The following TBC1D10B variants were observed in gnomAD, a reference collection of about 807,000 sequenced individuals.
TBC1D10B encodes the protein Rab27A-GAPbeta.
TBC1D10B carries 25 observed loss-of-function variants against 78.4 expected under a neutral mutation model. The ratio of observed to expected loss-of-function variants is 0.32; its 90% confidence interval spans 0.23 to 0.45. The LOEUF (loss-of-function observed/expected upper bound fraction) is 0.45, where lower values mean the gene tolerates loss of function less well. Among genes scored for constraint, TBC1D10B ranks in the 20% least tolerant of loss-of-function variants. The probability of loss-of-function intolerance (pLI) is 1.00; values close to 1 mark genes in which losing one functional copy is unlikely to be tolerated. For synonymous variants in TBC1D10B, 517 were observed against 478.0 expected, an observed-to-expected ratio of 1.08 and a Z score of -1.06; for missense variants, 996 against 1,104.8, an observed-to-expected ratio of 0.90 and a Z score of 1.40.
intron 1 of TBC1D10B, chr16:30,366,630 C>T (rs1220548882): frequency 6.6e-6 from 1 of 152,160 alleles, no homozygotes; most frequent in Non-Finnish European, 1.5e-5. Flanking sequence ...ATTTACTCTA[C>T]CTCCTCCTCC....
chr16:30,359,846 G>C lies in TBC1D10B; in HGVS notation c.1272-5C>G, dbSNP rs2049588119. On this transcript the variant is annotated splice_region_variant and splice_polypyrimidine_tract_variant and intron_variant, in intron 4 of 8. Transcript: ENST00000409939. ...ATTCGGTACAGGTCCTGTTGCCTGT[G>C]GGGGTTGGGGAAGACTGTGAGGGCA... The C allele has an allele frequency of 1.3e-6, 2 of 1,555,738 alleles. No individual in the cohort carries two copies. The highest frequency in any genetic ancestry group is 1.4e-5 in the African/African-American group (1 of 73,312).
At chr16:30,366,693 C>T (rs2049639696) in intron 1 of TBC1D10B, 1 of 152,214 alleles carries the variant, frequency 6.6e-6, no homozygotes, top group African/African-American at 2.4e-5. Flanking sequence ...ACTCACTGTT[C>T]TGTCAGAGGT....
chr16:30,370,314 A>G lies in TBC1D10B; in HGVS notation c.-131T>C, dbSNP rs2151104298. On this transcript the variant is annotated 5_prime_UTR_variant, in exon 1 of 9. Transcript: ENST00000409939. ...GCGGCTCGGCGCGCGCCGGGGGCGG[A>G]GCGGCCGCTGGGCGCGCAGAGGCGG... is the stretch of plus-strand genomic sequence containing the variant. The G allele has an allele frequency of 2.9e-6, 1 of 342,536 alleles. No individual in the cohort carries two copies. Among genetic ancestry groups the G allele is most frequent in the Non-Finnish European group, 4.3e-6 (1 of 230,710 alleles). 21.2% of individuals were successfully genotyped at this position (342,536 alleles called of 1,614,324 possible). A position where few individuals can be genotyped will look rare whatever the true frequency, so the allele number is the denominator to read the frequency against.
At chr16:30,363,434 C>T (rs1461601304) in intron 4 of TBC1D10B, among the ~76,000 whole-genome samples, 1 of 152,144 alleles carries the variant, frequency 6.6e-6, no homozygotes, top group Non-Finnish European at 1.5e-5. Flanking sequence ...CATCCCCACT[C>T]ACATTCTCTA....
chr16:30,358,691 C>A lies in TBC1D10B; in HGVS notation c.1769G>T (p.Cys590Phe). Residue 590 changes from cysteine (C) to phenylalanine (F), a missense_variant, in exon 8 of 9, where the codon TGC (cysteine) becomes TTC (phenylalanine). By Grantham distance (205) the Cys-to-Phe change is radical. Coordinates refer to ENST00000409939, the MANE Select transcript of TBC1D10B (RefSeq NM_015527.4). ...ATGCACCAGGAAGTCTTCCTGCATG[C>A]ACTGCTGGGGCAGGTTACGCAGCTG... ...MEQLRNLPQQ[C>F]MQEDFLVHEV... The A allele has an allele frequency of 6.2e-7, 1 of 1,608,988 alleles. No homozygotes were observed. Among genetic ancestry groups the A allele is most frequent in the South Asian group, 1.1e-5 (1 of 90,734 alleles).
chr16:30,359,574 G>T lies in TBC1D10B; in HGVS notation c.1416C>A (p.Cys472Ter). ...TGTAGTAACCTGGGAGGTACTTGTC[G>T]CAGATCTGCACCAGGCACCAAAAGG... The part of the protein sequence containing the change: ...EQAFWCLVQI[C>*]DKYLPGYYSA... Residue 472 changes from cysteine (C) to a stop codon, truncating the protein, a stop_gained, in exon 6 of 9, where the codon TGC becomes TGA. Transcript: ENST00000409939. LOFTEE classifies it high-confidence loss of function. 1.3e-6 allele frequency: 2 copies of T among 1,563,074 alleles called. No individual in the cohort carries two copies. Among genetic ancestry groups the T allele is most frequent in the Non-Finnish European group, 1.7e-6 (2 of 1,153,816 alleles).
chr16:30,360,092 G>T (rs1255166296), intron 4 of TBC1D10B: 2 of 462,506 alleles, frequency 4.3e-6, no homozygotes, highest in Non-Finnish European at 7.8e-6. Context: ...TCCTTCCTCA[G>T]CCACATCCCA....
chr16:30,365,367 C>G lies in TBC1D10B; in HGVS notation c.1056+128G>C. On this transcript the variant is annotated intron_variant, in intron 2 of 8. Coordinates refer to ENST00000409939, the MANE Select transcript of TBC1D10B (RefSeq NM_015527.4). This position sits in a 1 kb window ranked among gnomAD's most constrained non-coding sequence, Gnocchi z 5.0. ...GGACTTCTATTTTTAAAGCCATTCC[C>G]CCGCCAGGGCCCATCTATCCCCAGT... 1 of 1,298,894 alleles carries G rather than the reference C, an allele frequency of 7.7e-7. No individual in the cohort carries two copies. Among genetic ancestry groups the G allele is most frequent in the Non-Finnish European group, 1.1e-6 (1 of 905,508 alleles). 80.5% of individuals were successfully genotyped at this position (1,298,894 alleles called of 1,614,324 possible).
rs2049564606 is a variant in TBC1D10B at position 30,357,852 on chromosome 16, CT to C, written c.*91del. 6.9e-7 allele frequency: 1 copy of C among 1,447,034 alleles called. No homozygotes were observed. The highest frequency in any genetic ancestry group is 9.1e-7 in the Non-Finnish European group (1 of 1,100,582). The allele number at this position is 1,447,034 out of a possible 1,614,324, so 89.6% of individuals were successfully genotyped here. Reference sequence around the variant, plus strand: ...GCCACTTTCCCCAGCAAGGGACAGCCTGACAAGGTGCTAGGGGGTGGCACCT... The same window carrying C: ...GCCACTTTCCCCAGCAAGGGACAGCCGACAAGGTGCTAGGGGGTGGCACCT... On this transcript the variant is annotated 3_prime_UTR_variant, in exon 9 of 9. Transcript: ENST00000409939.
At chr16:30,363,867 G>C (rs769189022) in intron 4 of TBC1D10B, among the ~76,000 whole-genome samples, 24 of 152,186 alleles carry the variant, frequency 1.6e-4, no homozygotes, top group South Asian at 4.1e-4. Flanking sequence ...TATAACGCTA[G>C]CACTTTGGGA....
chr16:30,370,038 G>A lies in TBC1D10B; in HGVS notation c.146C>T (p.Pro49Leu), dbSNP rs1242533327. ...CTCCCCGGGGGCCACCAGGGTGACG[G>A]GGGCCGAAGTGGCCGTAGTCACTGG... ...GPPVTTATSA[P>L]VTLVAPGEAR... The change falls in exon 1 of 9, where the codon CCC becomes CTC. Residue 49 changes from proline (P) to leucine (L), a missense_variant. Coordinates refer to ENST00000409939, the MANE Select transcript of TBC1D10B (RefSeq NM_015527.4). 4.1e-6 allele frequency: 5 copies of A among 1,230,374 alleles called. No homozygotes were observed. In the African/African-American group the frequency reaches 4.7e-5, roughly 11 times the overall value. 76.2% of individuals were successfully genotyped at this position (1,230,374 alleles called of 1,614,324 possible).
At chr16:30,358,986 G>T in intron 7 of TBC1D10B, 169 bp from the exon 8 acceptor site, 1 of 1,210,852 alleles carries the variant, frequency 8.3e-7, no homozygotes, top group Non-Finnish European at 1.1e-6. Context: ...ATCTTGGCAG[G>T]GAGAGCAGGC....
At position 30,369,432 on chromosome 16, in the gene TBC1D10B, C is replaced by A; in HGVS notation, c.752G>T (p.Ser251Ile). ...AGGCCCAGAGATGCCAGGTCCCAGG[C>A]TGGACGTGGAGCCCAGGTCTTGAGA... is the stretch of plus-strand genomic sequence containing the variant. ...ENSQDLGSTS[S>I]LGPGISGPRG... Residue 251 changes from serine (S) to isoleucine (I), a missense_variant, in exon 1 of 9, where the codon AGC (serine) becomes ATC (isoleucine). Transcript: ENST00000409939. This position sits in a 1 kb window ranked among gnomAD's most constrained non-coding sequence, Gnocchi z 4.3. 2 of 1,562,432 alleles carry A rather than the reference C, an allele frequency of 1.3e-6. No homozygotes were observed. Among genetic ancestry groups the A allele is most frequent in the Admixed American group, 1.9e-5 (1 of 52,150 alleles).
intron 1 of TBC1D10B, chr16:30,368,056 C>T (rs900591654): frequency 9.9e-5 from 15 of 152,204 alleles, no homozygotes; most frequent in African/African-American, 3.6e-4. Flanking sequence ...CTAATTGTTT[C>T]TTCATCTATA....
rs1263748534 is a variant in TBC1D10B, at chr16:30,357,478, C to G, written c.*466G>C. Reference sequence around the variant, plus strand: ...ACCCCCACCCCAGGCCAACGCCATCCTCTGTACACAATTACAACACAGGTC... The same window carrying G: ...ACCCCCACCCCAGGCCAACGCCATCGTCTGTACACAATTACAACACAGGTC... On this transcript the variant is annotated 3_prime_UTR_variant, in exon 9 of 9. Transcript: ENST00000409939. The G allele has an allele frequency of 5.3e-6, 1 of 187,938 alleles. No individual in the cohort carries two copies. Among genetic ancestry groups the G allele is most frequent in the South Asian group, 1.1e-4 (1 of 8,724 alleles). The allele number at this position is 187,938 out of a possible 1,614,324, so 11.6% of individuals were successfully genotyped here. A position where few individuals can be genotyped will look rare whatever the true frequency, so the allele number is the denominator to read the frequency against.
chr16:30,363,458 T>G (rs1221002044), intron 4 of TBC1D10B, among the ~76,000 whole-genome samples: 1 of 152,156 alleles, frequency 6.6e-6, no homozygotes, highest in Non-Finnish European at 1.5e-5. Flanking sequence ...CCCTCTTGCT[T>G]TAAACTCCTC....
At position 30,358,385 on chromosome 16, in the gene TBC1D10B, G is replaced by A. The variant is rs769529801; in HGVS notation, c.1986C>T (p.Leu662=). The A allele has an allele frequency of 1.9e-6, 3 of 1,565,226 alleles. No individual in the cohort carries two copies. The highest frequency in any genetic ancestry group is 2.6e-6 in the Non-Finnish European group (3 of 1,155,602). Residue 662 remains leucine (L), a synonymous_variant, in exon 9 of 9, where the codon CTC becomes CTT. Coordinates refer to ENST00000409939, the MANE Select transcript of TBC1D10B (RefSeq NM_015527.4). The stretch of plus-strand genomic sequence containing the variant: ...GGGAGCCTCGGCTCTTGAGGCCAGG[G>A]AGGCTGAGGAGGCTGGAGGAGGGGC... ...PLGPSSSLLS[L]PGLKSRGSRA...
chr16:30,359,901 C>T, intron 4 of TBC1D10B, 60 bp from the exon 5 acceptor site: 1 of 1,425,250 alleles, frequency 7.0e-7, no homozygotes, highest in Non-Finnish European at 9.6e-7. Flanking sequence ...GTCCCCAAAC[C>T]CAGTTCCAGA....
chr16:30,369,109 G>A lies in TBC1D10B; in HGVS notation c.956+119C>T, dbSNP rs552732745. 5 of 1,078,826 alleles carry A rather than the reference G, an allele frequency of 4.6e-6. No homozygotes were observed. In the South Asian group the frequency reaches 6.7e-5, roughly 14 times the overall value. The allele number at this position is 1,078,826 out of a possible 1,614,324, so 66.8% of individuals were successfully genotyped here. On this transcript the variant is annotated intron_variant, in intron 1 of 8. Coordinates refer to ENST00000409939, the MANE Select transcript of TBC1D10B (RefSeq NM_015527.4). This position sits in a 1 kb window ranked among gnomAD's most constrained non-coding sequence, Gnocchi z 4.3. ...CACGGCAGCTCGCGCTGATCACCCC[G>A]TGGATCCTCAGAGGAGGCTGGGCTG...
Sources: gnomAD v4.1 joint callset for allele counts (sites outside exome capture counted in the v4.1 genomes callset) on GRCh38, gnomAD v4.1.1 for gene constraint, Gnocchi (gnomAD v3.1) non-coding constraint, MANE v1.5 for transcripts, NCBI Gene and HGNC (gene_info 2026-07-23, HGNC 2026-07-21) for gene names.